ZNF763: variants seen among roughly 807,000 people sequenced by gnomAD.
ZNF763 encodes zinc finger protein 763.
Under a neutral mutation model 38.0 loss-of-function variants are expected in ZNF763, and 33 were observed. The observed-to-expected ratio is 0.87, with a 90% CI of 0.66 to 1.16. The LOEUF (loss-of-function observed/expected upper bound fraction) is 1.16, where lower values mean the gene tolerates loss of function less well. Among genes scored for constraint, ZNF763 ranks in the 50% most tolerant of loss-of-function variants. The pLI, the probability that ZNF763 is intolerant of heterozygous loss-of-function variation, is 0.00. For synonymous variants in ZNF763, 155 were observed against 160.1 expected (o/e 0.97, Z 0.24); for missense variants, 423 against 469.1 (o/e 0.90, Z 0.91).
At chr19:11,975,680 G>C (rs1973474894) in intron 1 of ZNF763, among the ~76,000 whole-genome samples, 1 of 151,368 alleles carries the variant, frequency 6.6e-6, no homozygotes, top group Admixed American at 6.6e-5. Flanking sequence ...CCGCACCCCG[G>C]CCTTTAAGAT....
chr19:11,976,736 CAT>C, intron 1 of ZNF763: 1 of 423,418 alleles, frequency 2.4e-6, no homozygotes, highest in Admixed American at 4.9e-5. Flanking sequence ...TGTGGTGGCG[CAT>C]GCCTGTAATC....
intron 1 of ZNF763, among the ~76,000 whole-genome samples, chr19:11,973,618 C>T (rs1045264693): frequency 2.0e-5 from 3 of 152,134 alleles, no homozygotes; most frequent in African/African-American, 7.2e-5. Flanking sequence ...TGTGATGCCT[C>T]ATCCCTGAAT....
rs1399533254 is a variant in ZNF763, at chr19:11,967,197, G to A, written c.3+1986G>A. ...CAAAAATAACAAAAATTAACTGGGTGTGGTGGCCTGTGCCTGTAGTCGCAG... is the reference window on the plus strand; with the variant it reads ...CAAAAATAACAAAAATTAACTGGGTATGGTGGCCTGTGCCTGTAGTCGCAG... On this transcript the variant is annotated intron_variant, in intron 1 of 3. Coordinates refer to ENST00000358987, the MANE Select transcript of ZNF763 (RefSeq NM_001367172.2). 2.0e-5 allele frequency among the ~76,000 whole-genome samples: 3 copies of A among 152,226 alleles called. No individual in the cohort carries two copies. The East Asian group carries it at 5.8e-4, about 30-fold the overall frequency.
chr19:11,966,967 CA>C (rs1449713448), intron 1 of ZNF763, among the ~76,000 whole-genome samples: 1 of 152,132 alleles, frequency 6.6e-6, no homozygotes, highest in Non-Finnish European at 1.5e-5. Context: ...CATCAGACCC[CA>C]AGAGGGTTCT....
chr19:11,979,811 G>C lies in ZNF763; in HGVS notation c.*702G>C. The C allele has an allele frequency of 6.4e-7, 1 of 1,572,700 alleles. No homozygotes were observed. The highest frequency in any genetic ancestry group is 8.7e-7 in the Non-Finnish European group (1 of 1,145,308). On this transcript the variant is annotated 3_prime_UTR_variant, in exon 4 of 4. Transcript: ENST00000358987. ...GAAACCCTATGAGTGTAAGGAATGT[G>C]GGAAAGCCTTCAGATCTGCCAAGAA...
intron 1 of ZNF763, 106 bp downstream of exon 1, chr19:11,965,317 CT>C: frequency 1.3e-6 from 2 of 1,511,704 alleles, no homozygotes; most frequent in Non-Finnish European, 1.8e-6. Flanking sequence ...ACTCCAGGGT[CT>C]GGGACCGAGT....
At position 11,979,833 on chromosome 19, in the gene ZNF763, A is replaced by G; in HGVS notation, c.*724A>G. On this transcript the variant is annotated 3_prime_UTR_variant, in exon 4 of 4. Transcript: ENST00000358987. ...TGTGGGAAAGCCTTCAGATCTGCCA[A>G]GAACCTTCGAATTCATGAAAGGACA... 2 of 1,548,746 alleles carry G rather than the reference A, an allele frequency of 1.3e-6. No homozygotes were observed. The highest frequency in any genetic ancestry group is 8.9e-7 in the Non-Finnish European group (1 of 1,125,114).
Position 11,979,381 on chromosome 19 carries a change from C to A in ZNF763, c.*272C>A. ...ATGAGTGTAAGGAATGTGGGAAAGC[C>A]TTCAGATCTGCCTCACACCTTCAAA... On this transcript the variant is annotated 3_prime_UTR_variant, in exon 4 of 4. Transcript: ENST00000358987. 2 of 1,611,496 alleles carry A rather than the reference C, an allele frequency of 1.2e-6. No individual in the cohort carries two copies. Among genetic ancestry groups the A allele is most frequent in the Non-Finnish European group, 1.7e-6 (2 of 1,178,812 alleles).
At chr19:11,966,127 G>A (rs762772907) in intron 1 of ZNF763, among the ~76,000 whole-genome samples, 5 of 152,116 alleles carry the variant, frequency 3.3e-5, no homozygotes, top group South Asian at 4.1e-4. Flanking sequence ...CTTACCTTGC[G>A]TGGCCTTAGG....
Position 11,979,655 on chromosome 19 carries a change from A to T in ZNF763, c.*546A>T. On this transcript the variant is annotated 3_prime_UTR_variant, in exon 4 of 4. Transcript: ENST00000358987. The stretch of plus-strand genomic sequence containing the variant: ...GTGTAAGCAATGTGGGAAAGCCTTC[A>T]GATCTGCCTCAATCCTTCAAATGCA... The T allele has an allele frequency of 6.2e-7, 1 of 1,605,192 alleles. No individual in the cohort carries two copies. The highest frequency in any genetic ancestry group is 2.2e-5 in the East Asian group (1 of 44,664).
intron 1 of ZNF763, 118 bp from the exon 2 acceptor site, chr19:11,976,920 T>TGA (rs1973503991): frequency 6.5e-7 from 1 of 1,546,322 alleles, no homozygotes; most frequent in African/African-American, 1.4e-5. Flanking sequence ...GAAAGGGATG[T>TGA]GATGACCAAA....
chr19:11,975,636 C>A (rs962531624), intron 1 of ZNF763, among the ~76,000 whole-genome samples: 1 of 150,204 alleles, frequency 6.7e-6, no homozygotes, highest in Non-Finnish European at 1.5e-5. Context: ...CCCGCCTCGG[C>A]CTACCAAAGT....
At chr19:11,971,786 G>A (rs988132499) in intron 1 of ZNF763, among the ~76,000 whole-genome samples, 25 of 152,086 alleles carry the variant, frequency 1.6e-4, no homozygotes, top group South Asian at 4.1e-4. Flanking sequence ...ATTTGTGGCC[G>A]GGCGCGGTGG....
Position 11,979,755 on chromosome 19 carries a change from T to C in ZNF763, c.*646T>C. ...AAAGCCTTCAGATCTGCCCCACACCTTCGAATCCATGGTAGAACTCACACT... is the reference window on the plus strand; with the variant it reads ...AAAGCCTTCAGATCTGCCCCACACCCTCGAATCCATGGTAGAACTCACACT... On this transcript the variant is annotated 3_prime_UTR_variant, in exon 4 of 4. Transcript: ENST00000358987. The C allele has an allele frequency of 1.3e-6, 2 of 1,589,382 alleles. No individual in the cohort carries two copies. Among genetic ancestry groups the C allele is most frequent in the Non-Finnish European group, 1.7e-6 (2 of 1,160,062 alleles).
At chr19:11,972,742 A>G (rs750270559) in intron 1 of ZNF763, among the ~76,000 whole-genome samples, 2 of 152,166 alleles carry the variant, frequency 1.3e-5, no homozygotes, top group Non-Finnish European at 2.9e-5. Context: ...ACGTTGAGCA[A>G]ATAATCCACA....
chr19:11,972,438 A>G (rs1973371660), intron 1 of ZNF763, among the ~76,000 whole-genome samples: 2 of 152,262 alleles, frequency 1.3e-5, no homozygotes, highest in South Asian at 4.1e-4. Context: ...CTAGAAACTT[A>G]GTAAAAATAT....
chr19:11,974,105 CTTTCTTTCTTTCTTTCTTTCT>C (rs1568308324), intron 1 of ZNF763, among the ~76,000 whole-genome samples: 32 of 91,660 alleles, frequency 3.5e-4, no homozygotes, highest in South Asian at 1.8e-3. Flanking sequence ...TTCTTTCTTT[CTTTCTTTCTTTCTTTCTTTCT>C]TTTCTTTCTT....
In ZNF763 at chr19:11,978,456, G is replaced by A; in HGVS notation, c.532G>A (p.Gly178Arg). Residue 178 changes from glycine (G) to arginine (R), a missense_variant, in exon 4 of 4, where the codon GGA becomes AGA. Transcript: ENST00000358987. ...GAAACCCTATGCTTGTAAAGAATGT[G>A]GAAAAACCTTTATTTCCCATTCAGG... The part of the protein sequence containing the change: ...GEKPYACKEC[G>R]KTFISHSGIR... The A allele has an allele frequency of 6.2e-7, 1 of 1,614,144 alleles. No homozygotes were observed. Among genetic ancestry groups the A allele is most frequent in the Non-Finnish European group, 8.5e-7 (1 of 1,180,020 alleles).
intron 1 of ZNF763, among the ~76,000 whole-genome samples, chr19:11,967,499 G>C (rs980553135): frequency 6.6e-6 from 1 of 152,050 alleles, no homozygotes; most frequent in Non-Finnish European, 1.5e-5. Flanking sequence ...CCACCTCCCG[G>C]GTTCACGCCA....
Sources: gnomAD v4.1 joint callset for allele counts (sites outside exome capture counted in the v4.1 genomes callset) on GRCh38, gnomAD v4.1.1 for gene constraint, MANE v1.5 for transcripts, NCBI Gene and HGNC (gene_info 2026-07-23, HGNC 2026-07-21) for gene names.